Variants in FBXW11 observed in about 807,000 individuals in gnomAD.
FBXW11 encodes the protein F-box/WD repeat-containing protein 11.
A neutral mutation model predicts 77.6 loss-of-function variants in FBXW11; 19 were observed. That is an observed-to-expected ratio of 0.24 (90% CI 0.17 to 0.36). FBXW11 has a LOEUF of 0.36. FBXW11 is among the 10% of genes least tolerant of loss of function. FBXW11 has a pLI of 1.00. For missense variants in FBXW11, 334 were observed against 704.2 expected (o/e 0.47, Z 5.95); for synonymous variants, 235 against 249.4 (o/e 0.94, Z 0.54).
intron 2 of FBXW11, among the ~76,000 whole-genome samples, chr5:171,918,557 T>G (rs1761399883): frequency 6.6e-6 from 1 of 152,168 alleles, no homozygotes; most frequent in Non-Finnish European, 1.5e-5. Flanking sequence ...ACCAACCAGT[T>G]TACTTTCTAC....
intron 6 of FBXW11, 46 bp downstream of exon 6, chr5:171,898,958 G>C (rs969952746): frequency 1.2e-5 from 15 of 1,264,932 alleles, no homozygotes; most frequent in Non-Finnish European, 1.7e-5. Context: ...AAAAAGTTGA[G>C]AACAAGAAAC....
At chr5:171,881,982 T>C (rs1267538515) in intron 7 of FBXW11, among the ~76,000 whole-genome samples, 1 of 152,236 alleles carries the variant, frequency 6.6e-6, no homozygotes, top group Admixed American at 6.5e-5. Context: ...ATAGCTAACG[T>C]AATTATCAAT....
intron 2 of FBXW11, among the ~76,000 whole-genome samples, chr5:171,920,122 C>T (rs976485514): frequency 7.9e-5 from 12 of 152,138 alleles, no homozygotes; most frequent in Admixed American, 5.2e-4. Context: ...AAGATCGCAC[C>T]ACTGCACTCC....
chr5:171,874,953 A>G (rs1018003422), intron 9 of FBXW11, among the ~76,000 whole-genome samples: 1 of 151,816 alleles, frequency 6.6e-6, no homozygotes, highest in Non-Finnish European at 1.5e-5. Flanking sequence ...CTTCAAAAGG[A>G]AAAAAAAGCT....
intron 3 of FBXW11, among the ~76,000 whole-genome samples, chr5:171,913,319 A>G (rs572206777): frequency 3.3e-5 from 5 of 152,354 alleles, no homozygotes; most frequent in East Asian, 1.9e-4. Flanking sequence ...GAGTGTTTGT[A>G]TAACTATTAA....
Position 171,965,837 on chromosome 5 carries a change from C to T in FBXW11, c.46-8139G>A. Among the ~76,000 whole-genome samples, 2 of 152,030 alleles carry T rather than the reference C, an allele frequency of 1.3e-5. 1 individual carries two copies. Among genetic ancestry groups the T allele is most frequent in the Non-Finnish European group, 2.9e-5 (2 of 68,020 alleles). On this transcript the variant is annotated intron_variant, in intron 1 of 13. Coordinates refer to ENST00000517395, the MANE Select transcript of FBXW11 (RefSeq NM_001378974.1). ...CTCTGTGTCCCCACCCAAATCATAT[C>T]TCGAATTGTAATCCCCACGTGTCAG...
In FBXW11 at chr5:171,862,433, G is replaced by GA. The variant is rs1005520654; in HGVS notation, c.*1693_*1694insT. ...AATGCAAAGGACAAATCAGAGCCCA[G>GA]GGCCTTCCCTTTAGTAGTAGAGTGT... On this transcript the variant is annotated 3_prime_UTR_variant, in exon 14 of 14. Transcript: ENST00000517395. The GA allele has an allele frequency of 0.012, 7 of 580 alleles. No individual in the cohort carries two copies. The highest frequency in any genetic ancestry group is 0.077 in the Non-Finnish European group (6 of 78). The allele number at this position is 580 out of a possible 1,614,324, so 0.0% of individuals were successfully genotyped here. A position where few individuals can be genotyped will look rare whatever the true frequency, so the allele number is the denominator to read the frequency against.
chr5:171,959,856 AAAAAAGAAAAG>A (rs1581029991), intron 1 of FBXW11, among the ~76,000 whole-genome samples: 1 of 128,134 alleles, frequency 7.8e-6, no homozygotes, highest in South Asian at 2.8e-4. Flanking sequence ...TCAAAAAAAA[AAAAAAGAAAAG>A]AAAAGAAAAG....
chr5:171,938,676 C>G (rs1415513684), intron 2 of FBXW11, among the ~76,000 whole-genome samples: 1 of 152,104 alleles, frequency 6.6e-6, no homozygotes, highest in Non-Finnish European at 1.5e-5. Flanking sequence ...TACACTAATT[C>G]AGTAACAATA....
chr5:171,886,344 T>C (rs948472532), intron 7 of FBXW11, among the ~76,000 whole-genome samples: 5 of 150,912 alleles, frequency 3.3e-5, no homozygotes, highest in African/African-American at 1.2e-4. Context: ...ACACCGCATG[T>C]TCTCACTCAT....
intron 9 of FBXW11, among the ~76,000 whole-genome samples, chr5:171,873,798 G>C (rs1254830459): frequency 6.6e-6 from 1 of 152,196 alleles, no homozygotes; most frequent in African/African-American, 2.4e-5. Flanking sequence ...TTCATAGACA[G>C]CTAAACATAT....
chr5:171,881,896 G>A (rs1456376494), intron 7 of FBXW11, among the ~76,000 whole-genome samples: 6 of 152,006 alleles, frequency 3.9e-5, no homozygotes, highest in African/African-American at 1.4e-4. Flanking sequence ...TTCATTTAAC[G>A]CTCATGAGAG....
intron 2 of FBXW11, among the ~76,000 whole-genome samples, chr5:171,930,594 C>G (rs142140572): frequency 6.6e-6 from 1 of 151,876 alleles, no homozygotes; most frequent in Non-Finnish European, 1.5e-5. Context: ...TGCGGAAGGC[C>G]GCAGGGTCCT....
At position 171,893,193 on chromosome 5, in the gene FBXW11, C is replaced by T. The variant is rs1176969991; in HGVS notation, c.715-1589G>A. On this transcript the variant is annotated intron_variant, in intron 6 of 13. Transcript: ENST00000517395. ...CATCATTTGTGGCCCCAGTGCTCAG[C>T]AAGAGTCCTGGAAATACGGTATCTT... 3.9e-5 allele frequency among the ~76,000 whole-genome samples: 6 copies of T among 151,924 alleles called. No homozygotes were observed. The East Asian group carries it at 1.2e-3, about 29-fold the overall frequency.
intron 1 of FBXW11, among the ~76,000 whole-genome samples, chr5:171,986,816 T>C (rs112518353): frequency 3.3e-4 from 50 of 152,342 alleles, no homozygotes; most frequent in African/African-American, 1.0e-3. Context: ...TTGCATCTTA[T>C]GACATAAAGC....
intron 1 of FBXW11, among the ~76,000 whole-genome samples, chr5:171,985,448 C>A (rs1765382063): frequency 6.6e-6 from 1 of 151,764 alleles, no homozygotes. Flanking sequence ...AACAGTGAGA[C>A]CCAGTATCTA....
At chr5:171,895,800 CATTAATGGTAACAACAACAATA>C (rs139111461) in intron 6 of FBXW11, among the ~76,000 whole-genome samples, 1,941 of 152,270 alleles carry the variant, frequency 0.013, 42 homozygotes, top group African/African-American at 0.044. Context: ...GTCAGCCCAC[CATTAATGGTAACAACAACAATA>C]ATAACAGCAA....
chr5:171,866,520 C>T (rs1208910294), intron 13 of FBXW11, among the ~76,000 whole-genome samples: 2 of 152,136 alleles, frequency 1.3e-5, no homozygotes, highest in African/African-American at 4.8e-5. Flanking sequence ...ACACAAGTTT[C>T]CTTTCTACCA....
At chr5:172,005,484 A>T (rs1581109751) in intron 1 of FBXW11, among the ~76,000 whole-genome samples, 1 of 152,036 alleles carries the variant, frequency 6.6e-6, no homozygotes, top group Non-Finnish European at 1.5e-5. Context: ...CAAATTCTTC[A>T]CTTCTAGCCA....
Sources: gnomAD v4.1 joint callset for allele counts (sites outside exome capture counted in the v4.1 genomes callset) on GRCh38, gnomAD v4.1.1 for gene constraint, MANE v1.5 for transcripts, NCBI Gene and HGNC (gene_info 2026-07-23, HGNC 2026-07-21) for gene names.